Variants in PKHD1 observed in about 807,000 individuals in gnomAD.
The protein encoded by PKHD1 is fibrocystin.
In PKHD1, 291 loss-of-function variants were observed where a neutral mutation model predicts 412.0. That is an observed-to-expected ratio of 0.71 (90% CI 0.64 to 0.78). The LOEUF is 0.78. Ranked by LOEUF, PKHD1 falls within the 30% of genes least tolerant of loss-of-function variation. PKHD1 has a pLI of 0.00. For missense variants in PKHD1, 4,825 were observed against 4,950.7 expected, an observed-to-expected ratio of 0.97 and a Z score of 0.76; for synonymous variants, 1,777 against 1,821.5, an observed-to-expected ratio of 0.98 and a Z score of 0.62.
chr6:51,730,496 C>G (rs1562183620), intron 60 of PKHD1, among the ~76,000 whole-genome samples: 1 of 152,102 alleles, frequency 6.6e-6, no homozygotes, highest in Non-Finnish European at 1.5e-5. Flanking sequence ...TTGTTATAAA[C>G]TAAATTGTCA....
intron 28 of PKHD1, among the ~76,000 whole-genome samples, chr6:52,034,232 A>G (rs964615583): frequency 9.2e-5 from 14 of 151,606 alleles, no homozygotes; most frequent in Non-Finnish European, 1.6e-4. Flanking sequence ...CGGTTCTGCC[A>G]GCATCATCTA....
At chr6:51,646,440 TG>T (rs1300572842) in intron 63 of PKHD1, among the ~76,000 whole-genome samples, 1 of 152,144 alleles carries the variant, frequency 6.6e-6, no homozygotes, top group African/African-American at 2.4e-5. Context: ...TAATAATTTA[TG>T]GGTTATGTTG....
chr6:51,725,352 GCAAA>G (rs1782444803), intron 60 of PKHD1, among the ~76,000 whole-genome samples: 1 of 152,284 alleles, frequency 6.6e-6, no homozygotes, highest in Non-Finnish European at 1.5e-5. Flanking sequence ...CATGTCCAAG[GCAAA>G]CAGAGAGTCA....
chr6:51,986,894 C>G (rs1040971864), intron 35 of PKHD1, among the ~76,000 whole-genome samples: 1 of 152,210 alleles, frequency 6.6e-6, no homozygotes, highest in Admixed American at 6.5e-5. Context: ...ATTTGCTAAA[C>G]CCCAGGCACA....
intron 52 of PKHD1, among the ~76,000 whole-genome samples, chr6:51,827,023 C>T (rs935970249): frequency 3.3e-5 from 5 of 152,092 alleles, no homozygotes; most frequent in African/African-American, 1.2e-4. Flanking sequence ...AATTAAAATA[C>T]ACAAAACACC....
intron 21 of PKHD1, among the ~76,000 whole-genome samples, chr6:52,052,175 A>G (rs1416195997): frequency 6.6e-6 from 1 of 152,220 alleles, no homozygotes; most frequent in African/African-American, 2.4e-5. Flanking sequence ...GAAATAAACT[A>G]TAAAAAGTAG....
intron 65 of PKHD1, among the ~76,000 whole-genome samples, chr6:51,631,852 C>T (rs1297928487): frequency 6.7e-6 from 1 of 148,454 alleles, no homozygotes; most frequent in Non-Finnish European, 1.5e-5. Context: ...TGCTAAAAAA[C>T]AAACAAACAA....
chr6:51,690,528 TG>T (rs1313052765), intron 60 of PKHD1, among the ~76,000 whole-genome samples: 2 of 152,126 alleles, frequency 1.3e-5, no homozygotes, highest in African/African-American at 4.8e-5. Context: ...TACAACTATC[TG>T]ATATTTGATA....
intron 52 of PKHD1, among the ~76,000 whole-genome samples, chr6:51,803,551 A>T (rs1026953220): frequency 6.6e-6 from 1 of 150,950 alleles, no homozygotes; most frequent in Non-Finnish European, 1.5e-5. Context: ...CCCAGGAGAA[A>T]AATGATATAT....
At position 52,010,354 on chromosome 6, in the gene PKHD1, G is replaced by T. The variant is rs755566688; in HGVS notation, c.5706C>A (p.Thr1902=). 1 of 1,613,614 alleles carries T rather than the reference G, an allele frequency of 6.2e-7. No individual in the cohort carries two copies. The part of the protein sequence containing the change: ...MECETPNQPI[T]VKITEIRKRW... The stretch of plus-strand genomic sequence containing the variant: ...GTTTCCGTATCTCAGTAATCTTGAC[G>T]GTAATTGGCTGATTGGGCGTCTCAC... The change falls in exon 35 of 67, where the codon ACC becomes ACA. Residue 1902 remains threonine, a synonymous_variant. Transcript: ENST00000371117.
intron 60 of PKHD1, among the ~76,000 whole-genome samples, chr6:51,716,545 G>A (rs578195790): frequency 1.1e-4 from 16 of 152,148 alleles, no homozygotes; most frequent in South Asian, 2.1e-4. Context: ...AGAGTCCTGC[G>A]TGTTGTGTAG....
intron 37 of PKHD1, among the ~76,000 whole-genome samples, chr6:51,915,447 T>C (rs1226490881): frequency 6.6e-6 from 1 of 152,116 alleles, no homozygotes; most frequent in Non-Finnish European, 1.5e-5. Flanking sequence ...AAACCATACC[T>C]ATGTTCATTC....
rs1471600531 is a variant in PKHD1 at position 52,065,018 on chromosome 6, T to A, written c.913A>T (p.Arg305Trp). 6.2e-7 allele frequency: 1 copy of A among 1,600,058 alleles called. No individual in the cohort carries two copies. Among genetic ancestry groups the A allele is most frequent in the African/African-American group, 1.4e-5 (1 of 72,392 alleles). ...GCCCGAGTGGTGCACTCAATCTTCCTGGGAGACACGTGTCTAATATCACAT... is the reference window on the plus strand; with the variant it reads ...GCCCGAGTGGTGCACTCAATCTTCCAGGGAGACACGTGTCTAATATCACAT... ...IPCDIRHVSPRKIECTTRAPG... is the reference protein window; with the variant it reads ...IPCDIRHVSPWKIECTTRAPG... Residue 305 changes from arginine (R) to tryptophan (W), a missense_variant, in exon 13 of 67, where the codon AGG becomes TGG. Physicochemically the swap from Arg to Trp is moderately radical, Grantham distance 101. Transcript: ENST00000371117.
At chr6:51,696,189 T>C (rs1160945965) in intron 60 of PKHD1, among the ~76,000 whole-genome samples, 1 of 152,196 alleles carries the variant, frequency 6.6e-6, no homozygotes, top group African/African-American at 2.4e-5. Context: ...TTTAGAAAAG[T>C]CTCTTCTCAT....
At position 51,616,527 on chromosome 6, in the gene PKHD1, AT is replaced by A. The variant is rs113144792; in HGVS notation, c.*2553del. ...CTTTTGGTGTTTCCCTAATTCTCTCATTTTTTTTTTTTTTTAGGAGAAAGAG... is the reference window on the plus strand; with the variant it reads ...CTTTTGGTGTTTCCCTAATTCTCTCATTTTTTTTTTTTTTAGGAGAAAGAG... On this transcript the variant is annotated 3_prime_UTR_variant, in exon 67 of 67. Coordinates refer to ENST00000371117, the MANE Select transcript of PKHD1 (RefSeq NM_138694.4). 0.19 allele frequency: 66,075 copies of A among 348,952 alleles called. 44 individuals are homozygous for A. The highest frequency in any genetic ancestry group is 0.27 in the Middle Eastern group (366 of 1,344). 21.6% of individuals were successfully genotyped at this position (348,952 alleles called of 1,614,324 possible). A position where few individuals can be genotyped will look rare whatever the true frequency, so the allele number is the denominator to read the frequency against.
intron 60 of PKHD1, among the ~76,000 whole-genome samples, chr6:51,736,843 G>T (rs1783917319): frequency 6.6e-6 from 1 of 151,980 alleles, no homozygotes; most frequent in African/African-American, 2.4e-5. Flanking sequence ...GAGAAGCCTA[G>T]AAACCTTAAA....
At chr6:51,699,635 A>G (rs915124741) in intron 60 of PKHD1, among the ~76,000 whole-genome samples, 3 of 152,220 alleles carry the variant, frequency 2.0e-5, no homozygotes, top group African/African-American at 7.2e-5. Flanking sequence ...TAACTTTATA[A>G]GTAACTGCCA....
intron 35 of PKHD1, among the ~76,000 whole-genome samples, chr6:51,978,496 T>C (rs1294052648): frequency 6.6e-6 from 1 of 151,858 alleles, no homozygotes; most frequent in Non-Finnish European, 1.5e-5. Context: ...TCAACAAACA[T>C]GGGCTGTGAG....
At chr6:52,074,167 T>C (rs1256596772) in intron 6 of PKHD1, among the ~76,000 whole-genome samples, 1 of 152,202 alleles carries the variant, frequency 6.6e-6, no homozygotes, top group African/African-American at 2.4e-5. Context: ...GAGAAAAGCA[T>C]ACTGAGGGAC....
Sources: gnomAD v4.1 joint callset for allele counts (sites outside exome capture counted in the v4.1 genomes callset) on GRCh38, gnomAD v4.1.1 for gene constraint, MANE v1.5 for transcripts, NCBI Gene and HGNC (gene_info 2026-07-23, HGNC 2026-07-21) for gene names.